The following GNS variants were observed in gnomAD, a reference collection of about 807,000 sequenced individuals.
GNS encodes the protein glucosamine (N-acetyl)-6-sulfatase.
Under a neutral mutation model 69.7 loss-of-function variants are expected in GNS, and 40 were observed. The ratio of observed to expected loss-of-function variants is 0.57; its 90% CI spans 0.45 to 0.75. GNS has a LOEUF of 0.75. Ranked by LOEUF, GNS falls within the 30% of genes least tolerant of loss-of-function variation. The pLI is 0.00. For synonymous variants in GNS, 243 were observed against 251.6 expected, an observed-to-expected ratio of 0.97 and a Z score of 0.32; for missense variants, 565 against 685.5, an observed-to-expected ratio of 0.82 and a Z score of 1.96.
chr12:64,756,518 G>A (rs767504997), intron 1 of GNS: 1 of 530,656 alleles, frequency 1.9e-6, no homozygotes, highest in Non-Finnish European at 3.3e-6. Flanking sequence ...GAGGTCATAA[G>A]ATACCCAGGC....
Position 64,740,306 on chromosome 12 carries a change from C to T in GNS, c.875+300G>A, listed in dbSNP as rs565910386. ...CACATATGACAATGGGCTCTCTCAA[C>T]CAAGTCACCTTTTCTTTAAAGCAGG... On this transcript the variant is annotated intron_variant, in intron 7 of 13. Transcript: ENST00000258145. Among the ~76,000 whole-genome samples the T allele has an allele frequency of 4.6e-5, 7 of 152,288 alleles. No homozygotes were observed. The South Asian group carries it at 1.4e-3, about 32-fold the overall frequency.
At chr12:64,739,592 C>T (rs925541225) in intron 7 of GNS, 93 bp from the exon 8 acceptor site, 4 of 677,628 alleles carry the variant, frequency 5.9e-6, no homozygotes, top group Non-Finnish European at 1.1e-5. Context: ...AAAACAAAAA[C>T]AAAGACACCC....
At chr12:64,720,523 A>G (rs1868993691) in intron 12 of GNS, among the ~76,000 whole-genome samples, 1 of 152,244 alleles carries the variant, frequency 6.6e-6, no homozygotes, top group Non-Finnish European at 1.5e-5. Flanking sequence ...GGAGCCTCCA[A>G]TGGCAAGGTC....
chr12:64,748,905 G>GT (rs1269400302), intron 2 of GNS, among the ~76,000 whole-genome samples: 27 of 152,194 alleles, frequency 1.8e-4, no homozygotes, highest in South Asian at 6.2e-4. Flanking sequence ...ATATTAGCAA[G>GT]TTTTTTTGCC....
intron 11 of GNS, chr12:64,722,795 TG>T (rs1869074424): frequency 1.8e-6 from 1 of 554,014 alleles, no homozygotes; most frequent in Non-Finnish European, 3.3e-6. Context: ...CTACATAAAT[TG>T]GAAGATTAAC....
rs761047627 is a variant in GNS, at chr12:64,739,424, G to A, written c.951C>T (p.Asn317=). Residue 317 remains asparagine, a synonymous_variant, in exon 8 of 14, where the codon AAC becomes AAT. Transcript: ENST00000258145. The stretch of plus-strand genomic sequence containing the variant: ...CTGAGGTATAGAAGATGTAAGTGTT[G>A]TTGAGCTCCCCAGTGAACTCCAGCC... ...VKRLEFTGEL[N]NTYIFYTSDN... 3.7e-6 allele frequency: 6 copies of A among 1,605,278 alleles called. No individual in the cohort carries two copies. The highest frequency in any genetic ancestry group is 3.3e-5 in the South Asian group (3 of 90,876).
chr12:64,738,825 C>CA (rs113722266), intron 8 of GNS, among the ~76,000 whole-genome samples: 90,241 of 149,306 alleles, frequency 0.6, 27,223 homozygotes, highest in East Asian at 0.84. Flanking sequence ...CACCAGCCCC[C>CA]CAAAAAAATC....
chr12:64,729,756 A>G (rs1434033400), intron 9 of GNS, among the ~76,000 whole-genome samples: 7 of 152,220 alleles, frequency 4.6e-5, no homozygotes, highest in African/African-American at 1.7e-4. Context: ...CCTAATCCAG[A>G]GTAGCCTAAT....
chr12:64,759,068 A>G lies in GNS; in HGVS notation c.192+17T>C. 1 of 1,548,952 alleles carries G rather than the reference A, an allele frequency of 6.5e-7. No homozygotes were observed. Among genetic ancestry groups the G allele is most frequent in the Non-Finnish European group, 8.7e-7 (1 of 1,143,192 alleles). ...AGCCCAAGAGATAGAGGGGCGGGGCAGAAACAGAAGAGTTACCATGCCGCC... is the reference window on the plus strand; with the variant it reads ...AGCCCAAGAGATAGAGGGGCGGGGCGGAAACAGAAGAGTTACCATGCCGCC... On this transcript the variant is annotated intron_variant, in intron 1 of 13. Transcript: ENST00000258145.
At chr12:64,749,235 G>A (rs548350391) in intron 2 of GNS, among the ~76,000 whole-genome samples, 33 of 133,512 alleles carry the variant, frequency 2.5e-4, no homozygotes, top group Admixed American at 1.7e-3. Context: ...CACTGTGCCC[G>A]GCCTTGATTT....
At chr12:64,745,774 G>C (rs746439579) in intron 3 of GNS, 50 bp from the exon 4 acceptor site, 1 of 1,137,140 alleles carries the variant, frequency 8.8e-7, no homozygotes, top group South Asian at 1.2e-5. Context: ...GATATGACCA[G>C]ACCAGAAAGA....
intron 11 of GNS, 102 bp downstream of exon 11, chr12:64,722,904 C>T (rs1333516940): frequency 7.8e-6 from 6 of 772,746 alleles, no homozygotes; most frequent in East Asian, 7.4e-5. Context: ...GACAAAGGAA[C>T]AGGACTCAGA....
chr12:64,737,789 A>G (rs1188182573), intron 8 of GNS, among the ~76,000 whole-genome samples: 1 of 152,186 alleles, frequency 6.6e-6, no homozygotes, highest in Non-Finnish European at 1.5e-5. Context: ...ATGCACTGTC[A>G]CCTGAAAATG....
intron 13 of GNS, among the ~76,000 whole-genome samples, chr12:64,718,741 C>T (rs1010616992): frequency 3.9e-5 from 6 of 152,230 alleles, no homozygotes; most frequent in African/African-American, 1.4e-4. Context: ...CTTTAAGTTC[C>T]CAGAGTCAGC....
At chr12:64,740,528 T>A in intron 7 of GNS, 78 bp downstream of exon 7, 1 of 814,224 alleles carries the variant, frequency 1.2e-6, no homozygotes, top group South Asian at 1.3e-5. Flanking sequence ...GACAACAATG[T>A]GGTGTGGTCT....
At chr12:64,730,979 A>G (rs1592497292) in intron 9 of GNS, among the ~76,000 whole-genome samples, 1 of 152,330 alleles carries the variant, frequency 6.6e-6, no homozygotes, top group East Asian at 1.9e-4. Context: ...ACCCAGAGAT[A>G]TAAAATGGTG....
chr12:64,747,156 G>C (rs987406409), intron 3 of GNS, among the ~76,000 whole-genome samples: 1 of 152,186 alleles, frequency 6.6e-6, no homozygotes, highest in Non-Finnish European at 1.5e-5. Flanking sequence ...TGGTGTACCA[G>C]CTGCTGGCCA....
At position 64,718,901 on chromosome 12, in the gene GNS, T is replaced by C. The variant is rs554733030; in HGVS notation, c.1580+1121A>G. ...TGTGCTTTTATTTTAGGGACTGGAC[T>C]TCCTATTTCAGGTAACTGGTACCAA... On this transcript the variant is annotated intron_variant, in intron 13 of 13. Transcript: ENST00000258145. Among the ~76,000 whole-genome samples, 9 of 152,356 alleles carry C rather than the reference T, an allele frequency of 5.9e-5. No individual in the cohort carries two copies. The East Asian group carries it at 1.7e-3, about 29-fold the overall frequency.
In GNS at chr12:64,714,287, T is replaced by C. The variant is rs976908243; in HGVS notation, c.*2454A>G. On this transcript the variant is annotated 3_prime_UTR_variant, in exon 14 of 14. Coordinates refer to ENST00000258145, the MANE Select transcript of GNS (RefSeq NM_002076.4). ...CCTCTGTTCATTCCTAATGTTTACA[T>C]GGTTCTCTACTCTGAAGGGCACCAA... The C allele has an allele frequency of 6.6e-6, 1 of 152,196 alleles. No homozygotes were observed. Among genetic ancestry groups the C allele is most frequent in the Non-Finnish European group, 1.5e-5 (1 of 68,032 alleles). 9.4% of individuals were successfully genotyped at this position (152,196 alleles called of 1,614,324 possible). A position where few individuals can be genotyped will look rare whatever the true frequency, so the allele number is the denominator to read the frequency against.
Sources: allele counts gnomAD v4.1 joint callset (sites outside exome capture counted in the v4.1 genomes callset), GRCh38; gene constraint gnomAD v4.1.1; transcripts MANE v1.5; gene names NCBI Gene and HGNC (gene_info 2026-07-23, HGNC 2026-07-21).